Variants in EVC2 observed in about 807,000 individuals in gnomAD.
EVC2 encodes limbin.
In EVC2, 148 loss-of-function variants were observed where a neutral mutation model predicts 149.3. The observed-to-expected ratio is 0.99, with a 90% CI of 0.87 to 1.14. The LOEUF (loss-of-function observed/expected upper bound fraction) is 1.14. Ranked by LOEUF, EVC2 falls within the 50% of genes most tolerant of loss-of-function variation. The probability of loss-of-function intolerance (pLI) is 0.00; values close to 1 mark genes in which losing one functional copy is unlikely to be tolerated. For synonymous variants in EVC2, 776 were observed against 649.9 expected (o/e 1.19, Z -2.95); for missense variants, 1,854 against 1,627.3 (o/e 1.14, Z -2.40).
In EVC2 at chr4:5,676,132, G is replaced by A. The variant is rs143076785; in HGVS notation, c.870+5128C>T. 2.6e-3 allele frequency among the ~76,000 whole-genome samples: 395 copies of A among 152,228 alleles called. 2 individuals carry two copies. The highest frequency in any genetic ancestry group is 5.9e-3 in the African/African-American group (244 of 41,546). ...GGGCACATGTGATGAACACAGAAGG[G>A]GATATCTAGTGCCATCTGAGACCTG... On this transcript the variant is annotated intron_variant, in intron 7 of 21. Transcript: ENST00000344408.
chr4:5,675,682 T>C (rs1719936049), intron 7 of EVC2, among the ~76,000 whole-genome samples: 1 of 152,182 alleles, frequency 6.6e-6, no homozygotes, highest in Non-Finnish European at 1.5e-5. Flanking sequence ...CGGTGGCTCA[T>C]GCCTGTAATC....
Position 5,625,865 on chromosome 4 carries a change from G to C in EVC2, c.1930C>G (p.Arg644Gly). The C allele has an allele frequency of 6.2e-7, 1 of 1,613,970 alleles. No homozygotes were observed. Among genetic ancestry groups the C allele is most frequent in the Non-Finnish European group, 8.5e-7 (1 of 1,180,014 alleles). ...ATTGAAAAGACTTCTGTCTGAGCCC[G>C]CTCCAATAGCATTTCCATTTGGTCT... ...DEDQMEMLLE[R>G]AQTEVFSIKQ... Residue 644 changes from arginine (R) to glycine (G), a missense_variant, in exon 13 of 22, where the codon CGG becomes GGG. Transcript: ENST00000344408. The surrounding 1 kb of genome is among the most constrained non-coding windows in gnomAD (Gnocchi z 4.0).
chr4:5,665,953 C>G (rs750499320), intron 7 of EVC2, among the ~76,000 whole-genome samples: 1 of 152,150 alleles, frequency 6.6e-6, no homozygotes, highest in African/African-American at 2.4e-5. Context: ...GTTTCCAAAT[C>G]AAAAACATGA....
chr4:5,579,414 G>C (rs1711557155), intron 17 of EVC2, among the ~76,000 whole-genome samples: 1 of 152,188 alleles, frequency 6.6e-6, no homozygotes, highest in South Asian at 2.1e-4. Context: ...TTAATATCAA[G>C]GTTATTTCTG....
chr4:5,690,141 AC>A (rs1221319381), intron 4 of EVC2, among the ~76,000 whole-genome samples: 3 of 152,270 alleles, frequency 2.0e-5, no homozygotes, highest in Admixed American at 6.5e-5. Context: ...GCATGTGCAC[AC>A]ACTTATAACT....
chr4:5,649,237 T>C (rs926336714), intron 9 of EVC2, among the ~76,000 whole-genome samples: 2 of 152,308 alleles, frequency 1.3e-5, no homozygotes, highest in Admixed American at 1.3e-4. Flanking sequence ...AATGTCATCT[T>C]GTCACTGTGC....
chr4:5,537,944 A>G (rs778137362), downstream of EVC2, among the ~76,000 whole-genome samples: 1 of 152,148 alleles, frequency 6.6e-6, no homozygotes, highest in Non-Finnish European at 1.5e-5. Flanking sequence ...ATAAGAGCAG[A>G]TATCAGTGAA....
chr4:5,605,308 G>C (rs950457445), intron 16 of EVC2, among the ~76,000 whole-genome samples: 2 of 152,136 alleles, frequency 1.3e-5, no homozygotes, highest in Non-Finnish European at 2.9e-5. Context: ...CTTTCTGTTG[G>C]AGCTACCTTG....
the EVC2 span, among the ~76,000 whole-genome samples, chr4:5,535,860 G>C: frequency 6.6e-6 from 1 of 152,134 alleles, no homozygotes; most frequent in African/African-American, 2.4e-5. This position sits in a 1 kb window ranked among gnomAD's most constrained non-coding sequence, Gnocchi z 4.7. Context: ...ATATAGGCCA[G>C]ATATACCAAA....
chr4:5,606,301 A>G (rs770653218), intron 16 of EVC2, among the ~76,000 whole-genome samples: 9 of 152,206 alleles, frequency 5.9e-5, no homozygotes, highest in Non-Finnish European at 1.0e-4. Flanking sequence ...GTAAAGCCAC[A>G]AGGTAAGCCT....
intron 16 of EVC2, among the ~76,000 whole-genome samples, chr4:5,596,438 G>A (rs1391310632): frequency 6.6e-6 from 1 of 152,052 alleles, no homozygotes; most frequent in Admixed American, 6.6e-5. Context: ...CTCAACTACA[G>A]GGAAACTGAA....
At chr4:5,559,435 C>T (rs1056972106), downstream of EVC2, among the ~76,000 whole-genome samples, 3 of 152,118 alleles carry the variant, frequency 2.0e-5, no homozygotes, top group African/African-American at 7.2e-5. This position sits in a 1 kb window ranked among gnomAD's most constrained non-coding sequence, Gnocchi z 5.0. Context: ...TAGCAATAAG[C>T]ACAACTAGGG....
intron 16 of EVC2, among the ~76,000 whole-genome samples, chr4:5,615,205 G>A (rs114351875): frequency 3.3e-5 from 5 of 152,308 alleles, no homozygotes; most frequent in African/African-American, 1.2e-4. Flanking sequence ...CCCAGACTGA[G>A]AAGTGGAGGG....
chr4:5,673,214 T>C (rs992120691), intron 7 of EVC2, among the ~76,000 whole-genome samples: 2 of 152,242 alleles, frequency 1.3e-5, no homozygotes, highest in Non-Finnish European at 2.9e-5. Flanking sequence ...CCGCTATTGC[T>C]ACTACTGTTG....
At chr4:5,532,294 A>G in the EVC2 span, among the ~76,000 whole-genome samples, 4 of 152,102 alleles carry the variant, frequency 2.6e-5, no homozygotes, top group Non-Finnish European at 5.9e-5. Context: ...CAGGCTTTCA[A>G]CTGATTGGAC....
Position 5,681,547 on chromosome 4 carries a change from G to T in EVC2, c.817-234C>A, listed in dbSNP as rs569180088. ...CAAACACCAGCTTCGCTAACATCCA[G>T]AGAAAGTCATGGCAGCATGCCCTTG... On this transcript the variant is annotated intron_variant, in intron 6 of 21. Transcript: ENST00000344408. Among the ~76,000 whole-genome samples, 3 of 152,290 alleles carry T rather than the reference G, an allele frequency of 2.0e-5. No individual in the cohort carries two copies. The South Asian group carries it at 6.2e-4, about 32-fold the overall frequency.
downstream of EVC2, among the ~76,000 whole-genome samples, chr4:5,538,993 A>G (rs1375347710): frequency 6.6e-6 from 1 of 152,182 alleles, no homozygotes; most frequent in Non-Finnish European, 1.5e-5. Flanking sequence ...TCAGATTGGA[A>G]AGGAAAATTT....
rs576066099 is a variant in EVC2 at position 5,598,299 on chromosome 4, T to C, written c.2830-13449A>G. ...CAAAAGAACAAAGCTGGAGGCATCA[T>C]GCTACCTGACTTCAAACTATACTAC... On this transcript the variant is annotated intron_variant, in intron 16 of 21. Coordinates refer to ENST00000344408, the MANE Select transcript of EVC2 (RefSeq NM_147127.5). Among the ~76,000 whole-genome samples the C allele has an allele frequency of 4.7e-4, 72 of 151,884 alleles. No homozygotes were observed. The South Asian group carries it at 7.5e-3, about 16-fold the overall frequency.
chr4:5,620,130 C>G (rs756114595), intron 14 of EVC2, among the ~76,000 whole-genome samples: 2 of 152,198 alleles, frequency 1.3e-5, no homozygotes, highest in Non-Finnish European at 2.9e-5. Flanking sequence ...TGACACCCGT[C>G]TTGGGTTCCT....
Sources: gnomAD v4.1 joint callset for allele counts (sites outside exome capture counted in the v4.1 genomes callset) on GRCh38, gnomAD v4.1.1 for gene constraint, Gnocchi (gnomAD v3.1) non-coding constraint, MANE v1.5 for transcripts, NCBI Gene and HGNC (gene_info 2026-07-23, HGNC 2026-07-21) for gene names.